ANKFN1: variants seen among roughly 807,000 people sequenced by gnomAD.
The protein encoded by ANKFN1 is ankyrin repeat and fibronectin type III domain containing 1.
Under a neutral mutation model 108.7 loss-of-function variants are expected in ANKFN1, and 74 were observed. The observed-to-expected ratio is 0.68, with a 90% CI of 0.56 to 0.83. The LOEUF (loss-of-function observed/expected upper bound fraction) is 0.83, where lower values mean the gene tolerates loss of function less well. ANKFN1 is among the 40% of genes least tolerant of loss of function. The pLI is 0.00. For missense variants in ANKFN1, 1,505 were observed against 1,382.3 expected (o/e 1.09, Z -1.41); for synonymous variants, 547 against 516.2 (o/e 1.06, Z -0.81).
intron 5 of ANKFN1, among the ~76,000 whole-genome samples, chr17:56,353,178 T>C (rs1197712163): frequency 6.6e-6 from 1 of 152,106 alleles, no homozygotes; most frequent in East Asian, 1.9e-4. Flanking sequence ...CTTGGTTTAA[T>C]CTAATGTTTA....
rs1598566231 is a variant in ANKFN1, at chr17:56,415,912, C to T, written c.911-24415C>T. 3.3e-5 allele frequency among the ~76,000 whole-genome samples: 5 copies of T among 152,156 alleles called. No individual in the cohort carries two copies. In the East Asian group the frequency reaches 9.6e-4, roughly 29 times the overall value. ...TACATAATCCAGAAACAAATCGATA[C>T]ACCTACAGTAAGCTCATTTTCAACA... On this transcript the variant is annotated intron_variant, in intron 8 of 20. Transcript: ENST00000682825.
In ANKFN1 at chr17:56,511,036, G is replaced by A. The variant is rs1403342700; in HGVS notation, c.3208G>A (p.Ala1070Thr). 2 of 1,535,982 alleles carry A rather than the reference G, an allele frequency of 1.3e-6. No homozygotes were observed. The highest frequency in any genetic ancestry group is 2.4e-5 in the East Asian group (1 of 40,910). ...DPRGLTLAHA[A>T]SLPEERNSSL... ...CAGGGGCCTAACTCTGGCCCACGCT[G>A]CCAGCCTTCCTGAGGAGCGGAACAG... The change falls in exon 21 of 21, where the codon GCC becomes ACC. Residue 1070 changes from alanine (A) to threonine (T), a missense_variant. Physicochemically the swap from Ala to Thr is moderately conservative, Grantham distance 58. Transcript: ENST00000682825.
At chr17:56,125,891 C>G (rs1906897809) in intron 4 of ANKFN1, among the ~76,000 whole-genome samples, 1 of 152,192 alleles carries the variant, frequency 6.6e-6, no homozygotes, top group Non-Finnish European at 1.5e-5. Context: ...CACCATGGTG[C>G]CAGACAAGGC....
intron 1 of ANKFN1, among the ~76,000 whole-genome samples, chr17:56,204,527 G>T (rs369392660): frequency 4.8e-5 from 7 of 146,804 alleles, no homozygotes; most frequent in Admixed American, 2.0e-4. Flanking sequence ...TTTTAGTAGA[G>T]CTGGGGTTTC....
intron 18 of ANKFN1, among the ~76,000 whole-genome samples, chr17:56,489,402 A>C (rs1445847986): frequency 6.6e-6 from 1 of 151,726 alleles, no homozygotes; most frequent in Non-Finnish European, 1.5e-5. Flanking sequence ...ACCACAAAAG[A>C]CTATGTTAAA....
intron 3 of ANKFN1, among the ~76,000 whole-genome samples, chr17:56,291,805 C>A (rs184540433): frequency 6.6e-6 from 1 of 152,160 alleles, no homozygotes; most frequent in African/African-American, 2.4e-5. Flanking sequence ...GTAGCCTATT[C>A]GCTTATTTCT....
intron 4 of ANKFN1, among the ~76,000 whole-genome samples, chr17:56,340,610 T>C (rs952667711): frequency 5.3e-5 from 8 of 152,096 alleles, no homozygotes; most frequent in African/African-American, 1.9e-4. Context: ...ATCAGATAGT[T>C]GTAGGTGCAC....
intron 3 of ANKFN1, among the ~76,000 whole-genome samples, chr17:56,252,523 C>T (rs892714882): frequency 3.3e-5 from 5 of 151,804 alleles, no homozygotes; most frequent in African/African-American, 1.2e-4. Context: ...ACATGTAATC[C>T]TACCACTCTT....
intron 3 of ANKFN1, among the ~76,000 whole-genome samples, chr17:56,237,643 C>A (rs990909577): frequency 1.3e-5 from 2 of 151,980 alleles, no homozygotes; most frequent in Non-Finnish European, 2.9e-5. Flanking sequence ...TTTGTCATTT[C>A]TAATTGTGTT....
chr17:56,235,696 C>G (rs1377369801), intron 3 of ANKFN1, among the ~76,000 whole-genome samples: 1 of 152,096 alleles, frequency 6.6e-6, no homozygotes, highest in Non-Finnish European at 1.5e-5. Flanking sequence ...GCTCCTTATT[C>G]TGTTCCATTG....
At chr17:56,288,443 C>T (rs748613827) in intron 3 of ANKFN1, among the ~76,000 whole-genome samples, 40 of 152,068 alleles carry the variant, frequency 2.6e-4, no homozygotes, top group Non-Finnish European at 5.4e-4. Context: ...ATGCTGGATT[C>T]TGCCACGTGA....
rs554874422 is a variant in ANKFN1, at chr17:56,101,383, C to T, written c.288+55058C>T. ...TCAAGCTAAATCACATACTGCCAAACTTCCCTCCTCATTAACCTACACTTT... is the reference window on the plus strand; with the variant it reads ...TCAAGCTAAATCACATACTGCCAAATTTCCCTCCTCATTAACCTACACTTT... On this transcript the variant is annotated intron_variant, in intron 4 of 12. Transcript: ENST00000635860. Among the ~76,000 whole-genome samples the T allele has an allele frequency of 4.6e-5, 7 of 152,320 alleles. 1 individual carries two copies. The South Asian group carries it at 1.2e-3, about 27-fold the overall frequency.
At chr17:56,336,685 A>G (rs1431458045) in intron 4 of ANKFN1, among the ~76,000 whole-genome samples, 1 of 151,798 alleles carries the variant, frequency 6.6e-6, no homozygotes, top group Non-Finnish European at 1.5e-5. Context: ...GGATTCATTG[A>G]TTTTTTTGAA....
chr17:56,125,930 G>T (rs1357041379), intron 4 of ANKFN1, among the ~76,000 whole-genome samples: 1 of 152,202 alleles, frequency 6.6e-6, no homozygotes, highest in Admixed American at 6.5e-5. Context: ...ACAGTCCGGG[G>T]TCATGTTTTC....
intron 3 of ANKFN1, chr17:56,323,512 C>G (rs2045428967): frequency 6.6e-6 from 1 of 152,540 alleles, no homozygotes; most frequent in African/African-American, 2.4e-5. Context: ...GGAAGAACAT[C>G]CTGTAAAAGT....
At chr17:56,206,309 C>T (rs1019036786) in intron 1 of ANKFN1, among the ~76,000 whole-genome samples, 2 of 152,052 alleles carry the variant, frequency 1.3e-5, no homozygotes, top group African/African-American at 4.8e-5. Context: ...GCTTTTCCTC[C>T]AAGTAATTAC....
At chr17:56,101,169 T>C (rs1416489237) in intron 4 of ANKFN1, among the ~76,000 whole-genome samples, 2 of 152,192 alleles carry the variant, frequency 1.3e-5, no homozygotes, top group African/African-American at 4.8e-5. Context: ...TTTTAGACTC[T>C]TCAGCCTGCA....
At position 56,055,566 on chromosome 17, in the gene ANKFN1, C is replaced by CATATATATACATATAT. The variant is rs1555588764; in HGVS notation, c.288+9250_288+9251insCATATATATATATATA. On this transcript the variant is annotated intron_variant, in intron 4 of 12. Coordinates refer to the ANKFN1 transcript ENST00000635860. ...TATATGTGTGTGTGTGGTATATATA[C>CATATATATACATATAT]ATATATATATATATATATATATGTA... Among the ~76,000 whole-genome samples, 236 of 47,436 alleles carry CATATATATACATATAT rather than the reference C, an allele frequency of 5.0e-3. 25 individuals are homozygous for CATATATATACATATAT. Among genetic ancestry groups the CATATATATACATATAT allele is most frequent in the African/African-American group, 0.029 (221 of 7,558 alleles). 31.1% of individuals were successfully genotyped at this position (47,436 alleles called of 152,430 possible). A position where few individuals can be genotyped will look rare whatever the true frequency, so the allele number is the denominator to read the frequency against.
rs147262715 is a variant in ANKFN1, at chr17:56,499,279, G to C, written c.2644+181G>C. Reference sequence around the variant, plus strand: ...GAATAGTAGAGGAATAGGAAAACTAGAGCAGTAACCTAAGATCAATGCCAT... The same window carrying C: ...GAATAGTAGAGGAATAGGAAAACTACAGCAGTAACCTAAGATCAATGCCAT... On this transcript the variant is annotated intron_variant, in intron 20 of 20. Coordinates refer to ENST00000682825, the MANE Select transcript of ANKFN1 (RefSeq NM_001370326.1). Among the ~76,000 whole-genome samples, 62 of 152,266 alleles carry C rather than the reference G, an allele frequency of 4.1e-4. No individual in the cohort carries two copies. In the East Asian group the frequency reaches 0.011, roughly 27 times the overall value.
Sources: gnomAD v4.1 joint callset for allele counts (sites outside exome capture counted in the v4.1 genomes callset) on GRCh38, gnomAD v4.1.1 for gene constraint, MANE v1.5 for transcripts, NCBI Gene and HGNC (gene_info 2026-07-23, HGNC 2026-07-21) for gene names.